Variants in ADAMTS12 observed in about 807,000 individuals in gnomAD.
ADAMTS12 encodes ADAM metallopeptidase with thrombospondin type 1 motif 12.
A neutral mutation model predicts 167.8 loss-of-function variants in ADAMTS12; 118 were observed. The observed-to-expected ratio is 0.70, with a 90% confidence interval of 0.61 to 0.82. The LOEUF (loss-of-function observed/expected upper bound fraction) is 0.82, where lower values mean the gene tolerates loss of function less well. Among genes scored for constraint, ADAMTS12 ranks in the 40% least tolerant of loss-of-function variants. The pLI is 0.00. For missense variants in ADAMTS12, 1,916 were observed against 1,998.8 expected, an observed-to-expected ratio of 0.96 and a Z score of 0.79; for synonymous variants, 704 against 716.9, an observed-to-expected ratio of 0.98 and a Z score of 0.29.
rs376390917 is a variant in ADAMTS12, at chr5:33,630,904, C to T, written c.1898G>A (p.Cys633Tyr). Residue 633 changes from cysteine (C) to tyrosine (Y), a missense_variant, in exon 13 of 24, where the codon TGT (cysteine) becomes TAT (tyrosine). Physicochemically the swap from Cys to Tyr is radical, Grantham distance 194. Coordinates refer to ENST00000504830, the MANE Select transcript of ADAMTS12 (RefSeq NM_030955.4). ...WFPIFNPAHP[C>Y]ELYCRPIDGQ... ...ATCTATGGGTCGGCAGTAGAGCTCA[C>T]AAGGATGTGCTGAAGGGAAAAAAGA... 5.6e-6 allele frequency: 9 copies of T among 1,613,172 alleles called. No individual in the cohort carries two copies. The highest frequency in any genetic ancestry group is 1.1e-5 in the South Asian group (1 of 91,018).
intron 18 of ADAMTS12, among the ~76,000 whole-genome samples, chr5:33,585,491 G>A (rs1001563327): frequency 2.0e-5 from 3 of 152,192 alleles, no homozygotes; most frequent in African/African-American, 7.2e-5. Flanking sequence ...GGCTTCTGGA[G>A]TGTCCTGTTT....
chr5:33,749,539 C>T (rs1744904206), intron 3 of ADAMTS12, among the ~76,000 whole-genome samples: 1 of 152,084 alleles, frequency 6.6e-6, no homozygotes, highest in South Asian at 2.1e-4. Context: ...TTCTCTACCA[C>T]ATACTCTCTC....
intron 5 of ADAMTS12, among the ~76,000 whole-genome samples, chr5:33,674,758 C>A (rs1741839630): frequency 6.6e-6 from 1 of 152,146 alleles, no homozygotes; most frequent in Admixed American, 6.5e-5. Context: ...TCAGGATTTT[C>A]ATGTCTTCTG....
intron 3 of ADAMTS12, among the ~76,000 whole-genome samples, chr5:33,724,164 G>C (rs542973046): frequency 3.0e-4 from 46 of 152,264 alleles, no homozygotes; most frequent in African/African-American, 9.6e-4. Context: ...ATTAGAAATA[G>C]AGATTTTTAA....
In ADAMTS12 at chr5:33,576,220, A is replaced by T. The variant is rs1247275716; in HGVS notation, c.3806T>A (p.Leu1269Gln). Residue 1269 changes from leucine (L) to glutamine (Q), a missense_variant, in exon 19 of 24, where the codon CTG (leucine) becomes CAG (glutamine). Physicochemically the swap from Leu to Gln is moderately radical, Grantham distance 113 (BLOSUM62 -2). Transcript: ENST00000504830. Reference protein sequence around the residue: ...PSGKTANRNHLKLPNNMNQTK... With the variant: ...PSGKTANRNHQKLPNNMNQTK... Reference sequence around the variant, plus strand: ...TTGGTTCATGTTGTTTGGAAGTTTCAGGTGGTTACGGTTTGCCGTCTTTCC... The same window carrying T: ...TTGGTTCATGTTGTTTGGAAGTTTCTGGTGGTTACGGTTTGCCGTCTTTCC... The T allele has an allele frequency of 6.2e-7, 1 of 1,614,202 alleles. No homozygotes were observed. Among genetic ancestry groups the T allele is most frequent in the Admixed American group, 1.7e-5 (1 of 60,030 alleles).
At chr5:33,597,731 C>T (rs1737970780) in intron 16 of ADAMTS12, among the ~76,000 whole-genome samples, 1 of 152,032 alleles carries the variant, frequency 6.6e-6, no homozygotes, top group Non-Finnish European at 1.5e-5. Flanking sequence ...AGTAAACCTT[C>T]AACCTCTCAG....
chr5:33,873,603 A>G (rs1750121914), intron 2 of ADAMTS12, among the ~76,000 whole-genome samples: 1 of 152,194 alleles, frequency 6.6e-6, no homozygotes, highest in Non-Finnish European at 1.5e-5. Context: ...CACACAGACT[A>G]GCCAATACAG....
At chr5:33,884,847 C>A (rs1168847454) in intron 1 of ADAMTS12, among the ~76,000 whole-genome samples, 2 of 152,232 alleles carry the variant, frequency 1.3e-5, no homozygotes, top group African/African-American at 4.8e-5. Context: ...ATGCAAGTTT[C>A]TGCATCTCCA....
At chr5:33,596,714 A>G (rs1437870529) in intron 16 of ADAMTS12, among the ~76,000 whole-genome samples, 1 of 152,226 alleles carries the variant, frequency 6.6e-6, no homozygotes, top group Non-Finnish European at 1.5e-5. Flanking sequence ...ATGAAAGTAG[A>G]TATCATCACC....
At position 33,626,538 on chromosome 5, in the gene ADAMTS12, A is replaced by C. The variant is rs368728108; in HGVS notation, c.2023-2187T>G. On this transcript the variant is annotated intron_variant, in intron 13 of 23. Coordinates refer to ENST00000504830, the MANE Select transcript of ADAMTS12 (RefSeq NM_030955.4). The stretch of plus-strand genomic sequence containing the variant: ...AATGTGGTAATGGTGGTGGTGATTT[A>C]ATGGTAATGATGGTGGTGGTGGTGG... 3.2e-5 allele frequency among the ~76,000 whole-genome samples: 4 copies of C among 125,226 alleles called. No individual in the cohort carries two copies. In the South Asian group the frequency reaches 1.1e-3, roughly 34 times the overall value. The allele number at this position is 125,226 out of a possible 152,430, so 82.2% of individuals were successfully genotyped here. A position where few individuals can be genotyped will look rare whatever the true frequency, so the allele number is the denominator to read the frequency against.
chr5:33,725,553 G>A (rs1743949273), intron 3 of ADAMTS12, among the ~76,000 whole-genome samples: 1 of 152,246 alleles, frequency 6.6e-6, no homozygotes, highest in African/African-American at 2.4e-5. Flanking sequence ...AGGGAGGAAA[G>A]AGGGGCTGAG....
chr5:33,539,886 C>G (rs1243989761), intron 22 of ADAMTS12, among the ~76,000 whole-genome samples: 1 of 152,118 alleles, frequency 6.6e-6, no homozygotes, highest in African/African-American at 2.4e-5. Flanking sequence ...GAGATCGACA[C>G]AAGATGAGTA....
chr5:33,542,705 A>T (rs1744766087), intron 22 of ADAMTS12, among the ~76,000 whole-genome samples: 1 of 152,214 alleles, frequency 6.6e-6, no homozygotes, highest in Admixed American at 6.5e-5. Context: ...TAGGATTAAG[A>T]AACTCACTCA....
chr5:33,891,923 C>T lies in ADAMTS12; in HGVS notation c.-67G>A, dbSNP rs1750876317. ...CCCTCAGCTCCAGAAATAAAGCGCT[C>T]GCCTGTGGCCCAGCAGGAAGATGCA... On this transcript the variant is annotated 5_prime_UTR_variant, in exon 1 of 24. Coordinates refer to ENST00000504830, the MANE Select transcript of ADAMTS12 (RefSeq NM_030955.4). The T allele has an allele frequency of 3.2e-6, 5 of 1,572,248 alleles. No individual in the cohort carries two copies. Among genetic ancestry groups the T allele is most frequent in the Non-Finnish European group, 4.3e-6 (5 of 1,161,280 alleles).
At chr5:33,789,471 C>T (rs1746448650) in intron 2 of ADAMTS12, among the ~76,000 whole-genome samples, 1 of 152,216 alleles carries the variant, frequency 6.6e-6, no homozygotes, top group African/African-American at 2.4e-5. Flanking sequence ...CTCAGGGTCT[C>T]TTCTTTATTC....
intron 2 of ADAMTS12, among the ~76,000 whole-genome samples, chr5:33,836,095 GGTTAA>G (rs1197139998): frequency 6.6e-6 from 1 of 152,150 alleles, no homozygotes; most frequent in Non-Finnish European, 1.5e-5. Flanking sequence ...ATCCTCAGCA[GGTTAA>G]GTTATCACAA....
chr5:33,641,065 G>A (rs1740422428), intron 11 of ADAMTS12, among the ~76,000 whole-genome samples: 1 of 151,768 alleles, frequency 6.6e-6, no homozygotes, highest in Non-Finnish European at 1.5e-5. Context: ...CCACTTAAAG[G>A]AGATATCACA....
chr5:33,730,022 G>A (rs1355544990), intron 3 of ADAMTS12, among the ~76,000 whole-genome samples: 3 of 152,132 alleles, frequency 2.0e-5, no homozygotes, highest in Admixed American at 2.0e-4. Flanking sequence ...GTTCCATTCT[G>A]GAGCTCCAAG....
At chr5:33,777,642 T>C (rs1012581938) in intron 2 of ADAMTS12, among the ~76,000 whole-genome samples, 2 of 152,072 alleles carry the variant, frequency 1.3e-5, no homozygotes, top group South Asian at 4.1e-4. Flanking sequence ...ACTGTCACCA[T>C]TTCTATTAAA....
Sources: allele counts gnomAD v4.1 joint callset (sites outside exome capture counted in the v4.1 genomes callset), GRCh38; gene constraint gnomAD v4.1.1; transcripts MANE v1.5; gene names NCBI Gene and HGNC (gene_info 2026-07-23, HGNC 2026-07-21).